The following SEPTIN10 variants were observed in gnomAD, a reference collection of about 807,000 sequenced individuals.
SEPTIN10 encodes the protein septin 10.
SEPTIN10 carries 66 observed loss-of-function variants against 54.8 expected under a neutral mutation model. The observed-to-expected ratio is 1.21, with a 90% CI of 0.99 to 1.48. The LOEUF is 1.48. SEPTIN10 is among the 40% of genes most tolerant of loss of function. The probability of loss-of-function intolerance (pLI) is 0.00; values close to 1 mark genes in which losing one functional copy is unlikely to be tolerated. For missense variants in SEPTIN10, 620 were observed against 545.6 expected, an observed-to-expected ratio of 1.14 and a Z score of -1.36; for synonymous variants, 161 against 181.0, an observed-to-expected ratio of 0.89 and a Z score of 0.89.
At chr2:109,578,752 GT>G (rs1690378744) in intron 4 of SEPTIN10, among the ~76,000 whole-genome samples, 1 of 151,416 alleles carries the variant, frequency 6.6e-6, no homozygotes, top group African/African-American at 2.4e-5. Flanking sequence ...GGCCAACAAA[GT>G]GAGATTCCAC....
chr2:109,606,429 A>C (rs1697970497), intron 1 of SEPTIN10, among the ~76,000 whole-genome samples: 1 of 152,158 alleles, frequency 6.6e-6, no homozygotes, highest in Non-Finnish European at 1.5e-5. Context: ...ACAAAAAATA[A>C]AAAATAAAAT....
intron 2 of SEPTIN10, among the ~76,000 whole-genome samples, chr2:109,586,158 G>A (rs1692482494): frequency 6.6e-6 from 1 of 152,072 alleles, no homozygotes; most frequent in South Asian, 2.1e-4. Flanking sequence ...AAGTCCATTT[G>A]TTTATGATAA....
At chr2:109,577,693 G>T (rs924298413) in intron 4 of SEPTIN10, among the ~76,000 whole-genome samples, 1 of 151,374 alleles carries the variant, frequency 6.6e-6, no homozygotes, top group Non-Finnish European at 1.5e-5. Flanking sequence ...TGAGAAGATC[G>T]CTTGAGGCCA....
chr2:109,611,266 AAGG>A, intron 1 of SEPTIN10, among the ~76,000 whole-genome samples: 1 of 152,354 alleles, frequency 6.6e-6, no homozygotes, highest in East Asian at 1.9e-4. Flanking sequence ...TTTGGGATCT[AAGG>A]TTAGGCAAAG....
At chr2:109,612,710 C>T (rs903844813) in intron 1 of SEPTIN10, among the ~76,000 whole-genome samples, 4 of 152,256 alleles carry the variant, frequency 2.6e-5, no homozygotes, top group Middle Eastern at 6.8e-3. Flanking sequence ...CCTCAATTTT[C>T]CCTCACTCAC....
At chr2:109,548,241 T>TA (rs1484752626) in intron 9 of SEPTIN10, among the ~76,000 whole-genome samples, 2 of 152,076 alleles carry the variant, frequency 1.3e-5, no homozygotes, top group African/African-American at 4.8e-5. Flanking sequence ...CTGTGCCCTC[T>TA]AACAACACAA....
At chr2:109,594,333 T>C (rs1377209806) in intron 1 of SEPTIN10, among the ~76,000 whole-genome samples, 1 of 152,208 alleles carries the variant, frequency 6.6e-6, no homozygotes, top group Non-Finnish European at 1.5e-5. Context: ...CTTCCCACTC[T>C]TGATTCTCTA....
chr2:109,568,890 G>A (rs1687703862), intron 5 of SEPTIN10, among the ~76,000 whole-genome samples: 1 of 152,144 alleles, frequency 6.6e-6, no homozygotes, highest in Admixed American at 6.5e-5. Flanking sequence ...ATGATGCAAA[G>A]GAATAACTTT....
intron 2 of SEPTIN10, among the ~76,000 whole-genome samples, chr2:109,587,178 T>C (rs997267721): frequency 3.9e-5 from 6 of 151,980 alleles, no homozygotes; most frequent in South Asian, 2.1e-4. Flanking sequence ...CAGAAAGATA[T>C]GAAAGAGCTC....
chr2:109,547,366 CTTGTT>C (rs1023285611), intron 9 of SEPTIN10, among the ~76,000 whole-genome samples: 3 of 120,322 alleles, frequency 2.5e-5, no homozygotes, highest in African/African-American at 9.0e-5. Context: ...TGCTAATAAA[CTTGTT>C]TTTTTTTTTT....
chr2:109,565,052 C>T (rs948666086), intron 7 of SEPTIN10, among the ~76,000 whole-genome samples: 1 of 152,182 alleles, frequency 6.6e-6, no homozygotes, highest in African/African-American at 2.4e-5. Context: ...AACACACTTA[C>T]ATGATCCTTC....
chr2:109,577,492 T>C (rs1216534188), intron 4 of SEPTIN10, among the ~76,000 whole-genome samples: 15 of 151,176 alleles, frequency 9.9e-5, no homozygotes, highest in Non-Finnish European at 5.9e-5. Context: ...CTCAGGAGGC[T>C]GAGGCAGGAG....
chr2:109,567,714 T>C, intron 6 of SEPTIN10, 101 bp downstream of exon 6: 1 of 1,178,482 alleles, frequency 8.5e-7, no homozygotes, highest in Non-Finnish European at 1.1e-6. Flanking sequence ...TGAAGTCTTT[T>C]TGGAAGACAC....
chr2:109,554,341 G>A (rs1359642560), intron 8 of SEPTIN10, among the ~76,000 whole-genome samples: 3 of 152,132 alleles, frequency 2.0e-5, no homozygotes, highest in Admixed American at 6.5e-5. Flanking sequence ...CTACATTTGT[G>A]TATCGTATAC....
At chr2:109,548,476 G>A (rs1214761000) in intron 9 of SEPTIN10, among the ~76,000 whole-genome samples, 2 of 152,098 alleles carry the variant, frequency 1.3e-5, no homozygotes, top group African/African-American at 2.4e-5. Flanking sequence ...GAGCCACAGC[G>A]CCTGGCTATG....
chr2:109,556,328 T>G (rs1337542463), intron 8 of SEPTIN10, among the ~76,000 whole-genome samples: 1 of 152,254 alleles, frequency 6.6e-6, no homozygotes, highest in East Asian at 1.9e-4. Context: ...AAATTTCTAT[T>G]GCTTATAAAA....
Position 109,564,509 on chromosome 2 carries a change from A to C in SEPTIN10, c.885T>G (p.Phe295Leu). 1 of 1,550,096 alleles carries C rather than the reference A, an allele frequency of 6.5e-7. No homozygotes were observed. Among genetic ancestry groups the C allele is most frequent in the Non-Finnish European group, 8.8e-7 (1 of 1,140,088 alleles). Residue 295 changes from phenylalanine to leucine, a missense_variant, in exon 8 of 11, where the codon TTT becomes TTG. Transcript: ENST00000397712. ...VQVENENHCD[F>L]VKLREMLICT... ...AAATGAGCATTTCCCGCAGCTTTACAAAGTCACAGTGGTTTTCATTTTCCA... is the reference window on the plus strand; with the variant it reads ...AAATGAGCATTTCCCGCAGCTTTACCAAGTCACAGTGGTTTTCATTTTCCA...
In SEPTIN10 at chr2:109,544,274, G is replaced by T; in HGVS notation, c.*35C>A. The T allele has an allele frequency of 6.2e-7, 1 of 1,612,816 alleles. No homozygotes were observed. The highest frequency in any genetic ancestry group is 8.5e-7 in the Non-Finnish European group (1 of 1,179,750). ...AGTTTTTTTTTAATAAAGTTTGCTT[G>T]TGATGATGACCTTCTGTGCTCTGGA... On this transcript the variant is annotated 3_prime_UTR_variant, in exon 11 of 11. Transcript: ENST00000397712.
chr2:109,544,413 A>G (rs1365980595), intron 10 of SEPTIN10, 89 bp from the exon 11 acceptor site: 1 of 1,485,670 alleles, frequency 6.7e-7, no homozygotes, highest in African/African-American at 1.4e-5. Context: ...ATTATAGGAT[A>G]TCTGGCCATG....
Sources: gnomAD v4.1 joint callset for allele counts (sites outside exome capture counted in the v4.1 genomes callset) on GRCh38, gnomAD v4.1.1 for gene constraint, MANE v1.5 for transcripts, NCBI Gene and HGNC (gene_info 2026-07-23, HGNC 2026-07-21) for gene names.